Variants in SCD5 observed in about 807,000 individuals in gnomAD.
The protein encoded by SCD5 is stearoyl-CoA desaturase 5, also known as acyl-CoA-desaturase 4.
SCD5 carries 20 observed loss-of-function variants against 30.4 expected under a neutral mutation model. The ratio of observed to expected loss-of-function variants is 0.66; its 90% CI spans 0.46 to 0.96. SCD5 has a LOEUF of 0.96. SCD5 is among the 40% of genes least tolerant of loss of function. The pLI, the probability that SCD5 is intolerant of heterozygous loss-of-function variation, is 0.00. For missense variants in SCD5, 381 were observed against 443.3 expected (o/e 0.86, Z 1.26); for synonymous variants, 173 against 176.4 (o/e 0.98, Z 0.16).
chr4:82,642,517 C>T (rs761837892), intron 3 of SCD5, among the ~76,000 whole-genome samples: 5 of 152,238 alleles, frequency 3.3e-5, no homozygotes, highest in Non-Finnish European at 5.9e-5. Flanking sequence ...GTCTATGACA[C>T]TCTTCCCCAG....
chr4:82,677,553 C>T (rs189697388), intron 3 of SCD5, among the ~76,000 whole-genome samples: 115 of 152,324 alleles, frequency 7.5e-4, no homozygotes, highest in Non-Finnish European at 6.8e-4. Flanking sequence ...GCCAGCTTCA[C>T]GAACATGAAA....
chr4:82,722,834 G>A (rs1434533179), intron 1 of SCD5, among the ~76,000 whole-genome samples: 2 of 151,496 alleles, frequency 1.3e-5, no homozygotes, highest in African/African-American at 2.4e-5. Context: ...TTGGGAGGCC[G>A]AGGCGGACAA....
chr4:82,712,297 T>TATATACATA (rs1560540874), intron 1 of SCD5, among the ~76,000 whole-genome samples: 13 of 33,708 alleles, frequency 3.9e-4, no homozygotes, highest in Non-Finnish European at 6.9e-4. Context: ...TATATATATA[T>TATATACATA]TTTATTTTTA....
At chr4:82,741,032 C>T (rs1720861397) in intron 1 of SCD5, among the ~76,000 whole-genome samples, 1 of 151,878 alleles carries the variant, frequency 6.6e-6, no homozygotes, top group South Asian at 2.1e-4. Flanking sequence ...CCTTCTAGGC[C>T]CCAGGCCCAA....
At chr4:82,717,365 A>G (rs936146979) in intron 1 of SCD5, among the ~76,000 whole-genome samples, 1 of 151,666 alleles carries the variant, frequency 6.6e-6, no homozygotes, top group African/African-American at 2.4e-5. Context: ...GATTCAGGAT[A>G]ACTCCCATCA....
intron 3 of SCD5, among the ~76,000 whole-genome samples, chr4:82,651,795 C>A (rs1181046186): frequency 6.6e-6 from 1 of 152,124 alleles, no homozygotes; most frequent in Non-Finnish European, 1.5e-5. Flanking sequence ...AGCCTGTAGT[C>A]CTAGCTACTT....
intron 2 of SCD5, among the ~76,000 whole-genome samples, chr4:82,695,440 T>G (rs1719678075): frequency 6.6e-6 from 1 of 152,138 alleles, no homozygotes; most frequent in Admixed American, 6.5e-5. Flanking sequence ...CAAGATGTAA[T>G]TTAGTGATAG....
intron 1 of SCD5, among the ~76,000 whole-genome samples, chr4:82,730,601 T>TTTG (rs1449930204): frequency 6.7e-6 from 1 of 149,032 alleles, no homozygotes; most frequent in African/African-American, 2.5e-5. Flanking sequence ...TTTTTTTTTT[T>TTTG]TTTAGAAGGA....
chr4:82,688,974 G>A (rs1287037849), intron 2 of SCD5, among the ~76,000 whole-genome samples: 2 of 152,146 alleles, frequency 1.3e-5, no homozygotes, highest in Non-Finnish European at 2.9e-5. Context: ...GGGCTTTGGA[G>A]GGCTTTTGGT....
At chr4:82,779,207 T>C (rs1721816892) in intron 1 of SCD5, among the ~76,000 whole-genome samples, 1 of 151,394 alleles carries the variant, frequency 6.6e-6, no homozygotes, top group African/African-American at 2.4e-5. Flanking sequence ...TCCTCAACTA[T>C]GTGGGTGTGC....
intron 3 of SCD5, among the ~76,000 whole-genome samples, chr4:82,667,287 C>CACAT (rs1491434548): frequency 7.0e-6 from 1 of 142,388 alleles, no homozygotes; most frequent in African/African-American, 2.6e-5. Flanking sequence ...CACACACACA[C>CACAT]GCACGCACGC....
chr4:82,707,535 T>G (rs1012482947), intron 1 of SCD5, among the ~76,000 whole-genome samples: 4 of 152,200 alleles, frequency 2.6e-5, no homozygotes, highest in African/African-American at 9.6e-5. Context: ...AATATAGCAA[T>G]ATTGAGGGAA....
intron 1 of SCD5, among the ~76,000 whole-genome samples, chr4:82,739,431 G>T (rs1167110654): frequency 1.3e-5 from 2 of 152,252 alleles, no homozygotes; most frequent in Non-Finnish European, 2.9e-5. Context: ...TATGAAGCCT[G>T]GTAATGCCCA....
chr4:82,787,239 T>C (rs760798538), intron 1 of SCD5, among the ~76,000 whole-genome samples: 14 of 151,938 alleles, frequency 9.2e-5, no homozygotes, highest in Non-Finnish European at 1.5e-4. Flanking sequence ...AAGAAAACGA[T>C]CAGTCTGGGG....
chr4:82,759,190 G>T (rs1459693393), intron 1 of SCD5, among the ~76,000 whole-genome samples: 1 of 152,234 alleles, frequency 6.6e-6, no homozygotes, highest in Non-Finnish European at 1.5e-5. Context: ...CATGACAGCA[G>T]GGAATTGAGT....
intron 1 of SCD5, among the ~76,000 whole-genome samples, chr4:82,767,258 C>T (rs577703451): frequency 1.5e-3 from 227 of 152,174 alleles, no homozygotes; most frequent in Non-Finnish European, 1.9e-3. Context: ...CTCTCTGTCT[C>T]TTCTTGCAGC....
intron 1 of SCD5, among the ~76,000 whole-genome samples, chr4:82,718,529 T>G (rs528867928): frequency 1.3e-5 from 2 of 151,806 alleles, no homozygotes; most frequent in Admixed American, 1.3e-4. Flanking sequence ...TGAAGAATAT[T>G]TGGCAGCGAG....
rs540303598 is a variant in SCD5 at position 82,702,978 on chromosome 4, A to G, written c.363+2305T>C. Among the ~76,000 whole-genome samples, 6 of 152,322 alleles carry G rather than the reference A, an allele frequency of 3.9e-5. No homozygotes were observed. In the South Asian group the frequency reaches 1.2e-3, roughly 32 times the overall value. The stretch of plus-strand genomic sequence containing the variant: ...ATCTGATCTTAGAGAGGTACCTTCC[A>G]CCTAGGTCTAAGTGACATTGTTATA... On this transcript the variant is annotated intron_variant, in intron 2 of 4. Transcript: ENST00000319540.
At chr4:82,658,764 A>G (rs55858498) in intron 3 of SCD5, among the ~76,000 whole-genome samples, 87,918 of 151,132 alleles carry the variant, frequency 0.58, 26,049 homozygotes, top group Admixed American at 0.69. Context: ...TTTTGCATCA[A>G]TGTTCATCAG....
Sources: gnomAD v4.1 joint callset for allele counts (sites outside exome capture counted in the v4.1 genomes callset) on GRCh38, gnomAD v4.1.1 for gene constraint, MANE v1.5 for transcripts, NCBI Gene and HGNC (gene_info 2026-07-23, HGNC 2026-07-21) for gene names.